The following MYOF variants were observed in gnomAD, a reference collection of about 807,000 sequenced individuals.
MYOF encodes the protein fer-1-like 3, myoferlin.
Under a neutral mutation model 284.2 loss-of-function variants are expected in MYOF, and 244 were observed. That is an observed-to-expected ratio of 0.86 (90% confidence interval 0.77 to 0.95). The LOEUF is 0.95. Among genes scored for constraint, MYOF ranks in the 40% least tolerant of loss-of-function variants. The probability of loss-of-function intolerance (pLI) is 0.00; values close to 1 mark genes in which losing one functional copy is unlikely to be tolerated. For missense variants in MYOF, 2,496 were observed against 2,560.6 expected (o/e 0.97, Z 0.54); for synonymous variants, 904 against 919.7 (o/e 0.98, Z 0.31).
chr10:93,347,367 A>G (rs999985322), intron 37 of MYOF, among the ~76,000 whole-genome samples: 1 of 150,854 alleles, frequency 6.6e-6, no homozygotes, highest in Non-Finnish European at 1.5e-5. Flanking sequence ...CCTGGCTAAC[A>G]AGGTGAAACC....
intron 5 of MYOF, among the ~76,000 whole-genome samples, chr10:93,418,961 C>G: frequency 6.6e-6 from 1 of 152,148 alleles, no homozygotes; most frequent in Non-Finnish European, 1.5e-5. Flanking sequence ...GCACATGGAT[C>G]ATTTTCCAGT....
At chr10:93,453,592 C>A (rs916151535) in intron 2 of MYOF, among the ~76,000 whole-genome samples, 6 of 152,130 alleles carry the variant, frequency 3.9e-5, no homozygotes, top group Non-Finnish European at 1.5e-5. Flanking sequence ...TGCCACCACA[C>A]GTGGCCTCAG....
chr10:93,310,959 C>T (rs1410270231), intron 51 of MYOF, among the ~76,000 whole-genome samples: 1 of 152,150 alleles, frequency 6.6e-6, no homozygotes, highest in Admixed American at 6.6e-5. Context: ...CACTTGGACC[C>T]AGACTAACCT....
intron 1 of MYOF, 151 bp from the exon 2 acceptor site, chr10:93,457,088 A>C (rs1226761184): frequency 1.2e-5 from 7 of 592,674 alleles, no homozygotes; most frequent in African/African-American, 1.1e-4. Flanking sequence ...CCTGAATCAC[A>C]GTTTTCCAAA....
At chr10:93,378,693 G>GTGTGTATATATATATATATATATA in intron 21 of MYOF, among the ~76,000 whole-genome samples, 1,096 of 87,634 alleles carry the variant, frequency 0.013, 31 homozygotes, top group African/African-American at 0.027. Flanking sequence ...GTGTGTGTGT[G>GTGTGTATATATATATATATATATA]TATATATATA....
intron 5 of MYOF, among the ~76,000 whole-genome samples, chr10:93,414,032 C>A (rs1848014044): frequency 6.6e-6 from 1 of 152,048 alleles, no homozygotes; most frequent in African/African-American, 2.4e-5. Flanking sequence ...GAAATGTATT[C>A]CCCGACAGTT....
chr10:93,401,824 TGTGTGTGA>T (rs766956777), intron 11 of MYOF, among the ~76,000 whole-genome samples: 10,633 of 41,530 alleles, frequency 0.26, 486 homozygotes, highest in Non-Finnish European at 0.37. Flanking sequence ...TGTGTGTGTG[TGTGTGTGA>T]TCCTGATGTC....
chr10:93,407,126 TAA>T (rs1163074420), intron 7 of MYOF, among the ~76,000 whole-genome samples: 1 of 152,146 alleles, frequency 6.6e-6, no homozygotes, highest in Non-Finnish European at 1.5e-5. Context: ...TAGAACAGGC[TAA>T]GTTCTCAGTA....
At chr10:93,447,511 C>G (rs1342469049) in intron 3 of MYOF, among the ~76,000 whole-genome samples, 1 of 152,156 alleles carries the variant, frequency 6.6e-6, no homozygotes, top group African/African-American at 2.4e-5. Context: ...GCTTTTGTAA[C>G]CAATTAATTT....
intron 26 of MYOF, among the ~76,000 whole-genome samples, chr10:93,365,485 C>T (rs944880889): frequency 1.2e-4 from 18 of 152,260 alleles, no homozygotes; most frequent in African/African-American, 3.9e-4. Context: ...TTACAGTATA[C>T]CTCCTACCAT....
At chr10:93,365,876 A>T (rs1368553377) in intron 26 of MYOF, among the ~76,000 whole-genome samples, 1 of 152,238 alleles carries the variant, frequency 6.6e-6, no homozygotes, top group Non-Finnish European at 1.5e-5. Flanking sequence ...ATATAACTCA[A>T]TCCACTGTGT....
Position 93,387,849 on chromosome 10 carries a change from G to T in MYOF, c.1646C>A (p.Pro549Gln), listed in dbSNP as rs1846465008. 9.9e-6 allele frequency: 16 copies of T among 1,614,016 alleles called. No individual in the cohort carries two copies. Among genetic ancestry groups the T allele is most frequent in the Non-Finnish European group, 1.4e-5 (16 of 1,180,020 alleles). Reference sequence around the variant, plus strand: ...AATGGGCTCAAGCTTTTTATCTGGTGGTGTCTTCTCAAGAAAAGTGGCTAA... The same window carrying T: ...AATGGGCTCAAGCTTTTTATCTGGTTGTGTCTTCTCAAGAAAAGTGGCTAA... Reference protein sequence around the residue: ...VELATFLEKTPPDKKLEPISN... With the variant: ...VELATFLEKTQPDKKLEPISN... The change falls in exon 19 of 54, where the codon CCA (proline) becomes CAA (glutamine). Residue 549 changes from proline (P) to glutamine (Q), a missense_variant. By Grantham distance (76) the Pro-to-Gln change is moderately conservative. Transcript: ENST00000359263.
At chr10:93,463,885 AAG>A (rs768489112) in intron 1 of MYOF, among the ~76,000 whole-genome samples, 2,609 of 108,790 alleles carry the variant, frequency 0.024, 80 homozygotes, top group African/African-American at 0.079. Flanking sequence ...AAAAAAAAAA[AAG>A]GCCTGAAAGA....
chr10:93,320,066 G>T, intron 48 of MYOF, 53 bp from the exon 49 acceptor site: 1 of 1,604,010 alleles, frequency 6.2e-7, no homozygotes. Flanking sequence ...AAGTCATGTA[G>T]CCGCAAAATT....
intron 15 of MYOF, among the ~76,000 whole-genome samples, chr10:93,396,509 C>T (rs562119191): frequency 1.1e-4 from 16 of 152,266 alleles, no homozygotes; most frequent in African/African-American, 3.9e-4. Context: ...ACAGATGGTC[C>T]TCCAGTCACC....
intron 38 of MYOF, among the ~76,000 whole-genome samples, chr10:93,341,059 G>A (rs1212074119): frequency 6.6e-6 from 1 of 152,174 alleles, no homozygotes; most frequent in Non-Finnish European, 1.5e-5. Flanking sequence ...ATTGCCAAGA[G>A]AGGCAGAGGG....
At chr10:93,329,569 C>T in intron 44 of MYOF, 95 bp downstream of exon 44, 3 of 1,298,304 alleles carry the variant, frequency 2.3e-6, no homozygotes, top group Non-Finnish European at 3.3e-6. Context: ...AGCAGTGGCT[C>T]AGTGAAGGAA....
intron 27 of MYOF, 127 bp from the exon 28 acceptor site, chr10:93,361,684 T>C (rs1195002684): frequency 1.4e-6 from 1 of 724,358 alleles, no homozygotes; most frequent in Non-Finnish European, 2.2e-6. Flanking sequence ...ATCTTAGAGA[T>C]CCATTTCACT....
intron 1 of MYOF, among the ~76,000 whole-genome samples, chr10:93,458,081 G>A (rs2056787219): frequency 6.6e-6 from 1 of 152,034 alleles, no homozygotes; most frequent in African/African-American, 2.4e-5. Flanking sequence ...AGCCAGGTGA[G>A]GTGGTGCACG....
Sources: gnomAD v4.1 joint callset for allele counts (sites outside exome capture counted in the v4.1 genomes callset) on GRCh38, gnomAD v4.1.1 for gene constraint, MANE v1.5 for transcripts, NCBI Gene and HGNC (gene_info 2026-07-23, HGNC 2026-07-21) for gene names.